Variants in SV2C observed in about 807,000 individuals in gnomAD.
SV2C encodes the protein solute carrier family 22 member B3.
A neutral mutation model predicts 79.7 loss-of-function variants in SV2C; 49 were observed. The observed-to-expected ratio is 0.61, with a 90% CI of 0.49 to 0.78. SV2C has a LOEUF of 0.78. Ranked by LOEUF, SV2C falls within the 30% of genes least tolerant of loss-of-function variation. The pLI is 0.00. For synonymous variants in SV2C, 334 were observed against 333.2 expected (o/e 1.00, Z -0.03); for missense variants, 833 against 912.9 (o/e 0.91, Z 1.13).
At chr5:76,232,072 T>G (rs1561275376) in intron 4 of SV2C, among the ~76,000 whole-genome samples, 1 of 148,524 alleles carries the variant, frequency 6.7e-6, no homozygotes, top group Non-Finnish European at 1.5e-5. Flanking sequence ...AAAGTGTTCC[T>G]ATTTCTCCAC....
chr5:75,857,214 C>T, the SV2C span, among the ~76,000 whole-genome samples: 1 of 152,114 alleles, frequency 6.6e-6, no homozygotes, highest in African/African-American at 2.4e-5. Flanking sequence ...GCCTCGGCCT[C>T]CCAAAGTGCT....
At chr5:76,349,801 C>T (rs924922605) in intron 12 of SV2C, among the ~76,000 whole-genome samples, 3 of 151,886 alleles carry the variant, frequency 2.0e-5, no homozygotes, top group Admixed American at 6.6e-5. Flanking sequence ...TCCCAAAGTG[C>T]TTGGGATTAT....
At chr5:75,921,317 T>G in the SV2C span, 1 of 1,330,552 alleles carries the variant, frequency 7.5e-7, no homozygotes, top group Non-Finnish European at 1.1e-6. Context: ...CTGCAGGTGC[T>G]GGCTGGTGGA....
At chr5:75,860,157 A>C in the SV2C span, among the ~76,000 whole-genome samples, 1 of 152,312 alleles carries the variant, frequency 6.6e-6, no homozygotes, top group South Asian at 2.1e-4. Flanking sequence ...ACTCTGTCAA[A>C]AGGCTCCTGG....
chr5:76,160,854 G>T (rs1268654059), intron 2 of SV2C, among the ~76,000 whole-genome samples: 1 of 152,182 alleles, frequency 6.6e-6, no homozygotes, highest in Non-Finnish European at 1.5e-5. Context: ...CCCTAGGATG[G>T]CTTGAATCAG....
chr5:76,214,815 C>T (rs545575036), intron 4 of SV2C, among the ~76,000 whole-genome samples: 1 of 152,030 alleles, frequency 6.6e-6, no homozygotes, highest in South Asian at 2.1e-4. Flanking sequence ...ATTTCTTTTC[C>T]AATACTTCAT....
chr5:76,158,093 C>T (rs775425836), intron 2 of SV2C, among the ~76,000 whole-genome samples: 10 of 151,414 alleles, frequency 6.6e-5, no homozygotes, highest in African/African-American at 1.2e-4. Flanking sequence ...AAAATATTCT[C>T]TTAATGCACA....
At chr5:76,148,472 C>T (rs1749503547) in intron 2 of SV2C, among the ~76,000 whole-genome samples, 1 of 152,112 alleles carries the variant, frequency 6.6e-6, no homozygotes, top group Non-Finnish European at 1.5e-5. Flanking sequence ...TCTTTAGAGA[C>T]AGTGTTTCAC....
chr5:76,096,225 T>C (rs258621), intron 1 of SV2C, among the ~76,000 whole-genome samples: 88,625 of 151,998 alleles, frequency 0.58, 27,804 homozygotes, highest in African/African-American at 0.82. Flanking sequence ...CTATATTTTA[T>C]CCATTGCTTC....
At chr5:76,108,488 G>C (rs1715946064) in intron 1 of SV2C, among the ~76,000 whole-genome samples, 1 of 152,128 alleles carries the variant, frequency 6.6e-6, no homozygotes, top group Non-Finnish European at 1.5e-5. Flanking sequence ...TGCAGAAGCT[G>C]CTCTAAGGAA....
chr5:76,325,499 A>T lies in SV2C; in HGVS notation c.2136A>T (p.Gly712=). 5.0e-6 allele frequency: 8 copies of T among 1,613,870 alleles called. No individual in the cohort carries two copies. Among genetic ancestry groups the T allele is most frequent in the Non-Finnish European group, 6.8e-6 (8 of 1,179,976 alleles). ...CTTCTACTGTGCTCGTGTGTGGAGG[A>T]CTCGTTGGGCTGTGCCTGCCTGACA... ...LLASTVLVCG[G]LVGLCLPDTR... The change falls in exon 13 of 13, where the codon GGA becomes GGT. Residue 712 remains glycine (G), a synonymous_variant. Coordinates refer to ENST00000502798, the MANE Select transcript of SV2C (RefSeq NM_014979.4).
At chr5:76,131,617 T>A in intron 1 of SV2C, 33 bp from the exon 2 acceptor site, 1 of 563,820 alleles carries the variant, frequency 1.8e-6, no homozygotes, top group South Asian at 4.0e-5. Flanking sequence ...TAGAAAGGAA[T>A]AATAAGTATC....
At chr5:75,936,198 CCTCT>C in the SV2C span, among the ~76,000 whole-genome samples, 1 of 151,922 alleles carries the variant, frequency 6.6e-6, no homozygotes, top group African/African-American at 2.4e-5. Flanking sequence ...CTATGTCTTC[CCTCT>C]CTCTCTCCAG....
In SV2C at chr5:76,209,797, C is replaced by T. The variant is rs139844012; in HGVS notation, c.823C>T (p.Arg275Trp). 7.7e-5 allele frequency: 124 copies of T among 1,614,172 alleles called. No individual in the cohort carries two copies. The highest frequency in any genetic ancestry group is 9.5e-5 in the Non-Finnish European group (112 of 1,180,030). Residue 275 changes from arginine (R) to tryptophan (W), a missense_variant, in exon 4 of 13, where the codon CGG becomes TGG. Physicochemically the swap from Arg to Trp is moderately radical, Grantham distance 101. Transcript: ENST00000502798. ...TGCTGAAGTCCTGGCCCGGGAAAAG[C>T]GGGGCGAACACTTGAGCTGGCTCTG... The part of the protein sequence containing the change: ...YFAEVLAREK[R>W]GEHLSWLCMF...
intron 3 of SV2C, among the ~76,000 whole-genome samples, chr5:76,208,439 A>T (rs1050253370): frequency 1.6e-4 from 25 of 152,164 alleles, no homozygotes; most frequent in Admixed American, 1.4e-3. Context: ...CATCACTTTA[A>T]ACAGAGGCAA....
At chr5:75,938,477 T>A in the SV2C span, among the ~76,000 whole-genome samples, 1 of 152,176 alleles carries the variant, frequency 6.6e-6, no homozygotes, top group South Asian at 2.1e-4. Context: ...AATGGGGTTT[T>A]ACAAACACGA....
At chr5:75,926,608 C>A in the SV2C span, among the ~76,000 whole-genome samples, 2 of 151,950 alleles carry the variant, frequency 1.3e-5, no homozygotes, top group African/African-American at 4.8e-5. Flanking sequence ...GAATCCAAGC[C>A]ACTATAATAA....
chr5:76,066,710 G>C, the SV2C span, among the ~76,000 whole-genome samples: 1 of 151,604 alleles, frequency 6.6e-6, no homozygotes, highest in Non-Finnish European at 1.5e-5. Context: ...CACATGAAGG[G>C]ATGCTCTGAG....
At chr5:76,072,786 T>A in the SV2C span, among the ~76,000 whole-genome samples, 2 of 152,176 alleles carry the variant, frequency 1.3e-5, no homozygotes, top group African/African-American at 4.8e-5. Context: ...TGATTCTGAT[T>A]ATGGCCATTC....
Sources: gnomAD v4.1 joint callset for allele counts (sites outside exome capture counted in the v4.1 genomes callset) on GRCh38, gnomAD v4.1.1 for gene constraint, MANE v1.5 for transcripts, NCBI Gene and HGNC (gene_info 2026-07-23, HGNC 2026-07-21) for gene names.